The following TENM4 variants were observed in gnomAD, a reference collection of about 807,000 sequenced individuals.
TENM4 encodes teneurin transmembrane protein 4.
TENM4 carries 82 observed loss-of-function variants against 243.3 expected under a neutral mutation model. The observed-to-expected ratio is 0.34, with a 90% CI of 0.28 to 0.40. The LOEUF (loss-of-function observed/expected upper bound fraction) is 0.40. TENM4 is among the 10% of genes least tolerant of loss of function. The pLI is 1.00. For synonymous variants in TENM4, 1,412 were observed against 1,456.3 expected (o/e 0.97, Z 0.69); for missense variants, 3,138 against 3,673.3 (o/e 0.85, Z 3.77).
chr11:79,070,086 C>T, intron 4 of TENM4, 77 bp from the exon 5 acceptor site: 2 of 1,438,430 alleles, frequency 1.4e-6, no homozygotes, highest in Non-Finnish European at 1.8e-6. Context: ...TGGATTCACC[C>T]TTGCAGCCCT....
At chr11:79,107,080 C>T (rs1470090957) in intron 4 of TENM4, among the ~76,000 whole-genome samples, 1 of 152,054 alleles carries the variant, frequency 6.6e-6, no homozygotes, top group African/African-American at 2.4e-5. Context: ...TCTATCATCC[C>T]CATTTTATGG....
intron 17 of TENM4, among the ~76,000 whole-genome samples, chr11:78,772,491 T>C (rs1856663970): frequency 6.6e-6 from 1 of 152,202 alleles, no homozygotes; most frequent in African/African-American, 2.4e-5. Flanking sequence ...ATTTGTTTTA[T>C]TATTATGAGC....
chr11:79,250,351 C>T (rs1158355487), intron 2 of TENM4, among the ~76,000 whole-genome samples: 1 of 152,214 alleles, frequency 6.6e-6, no homozygotes, highest in Non-Finnish European at 1.5e-5. Context: ...AGATAATCCA[C>T]ATATAAGGCA....
At chr11:78,807,458 C>T (rs560651964) in intron 14 of TENM4, among the ~76,000 whole-genome samples, 1 of 152,284 alleles carries the variant, frequency 6.6e-6, no homozygotes, top group East Asian at 1.9e-4. Context: ...ACAGAGACCT[C>T]TAATCTTCTG....
chr11:78,888,754 G>T (rs879549429), intron 9 of TENM4, among the ~76,000 whole-genome samples: 1 of 152,144 alleles, frequency 6.6e-6, no homozygotes, highest in Non-Finnish European at 1.5e-5. Context: ...TTCTATTTCT[G>T]TTTACTGGGC....
At chr11:79,153,457 G>T (rs1167870995) in intron 3 of TENM4, among the ~76,000 whole-genome samples, 1 of 152,018 alleles carries the variant, frequency 6.6e-6, no homozygotes, top group African/African-American at 2.4e-5. Flanking sequence ...CTGGGCAGAG[G>T]CAAGTCACCC....
intron 7 of TENM4, among the ~76,000 whole-genome samples, chr11:78,894,967 G>A (rs554125835): frequency 1.4e-4 from 17 of 118,342 alleles, no homozygotes; most frequent in South Asian, 9.3e-4. Context: ...CCGGTCCAAC[G>A]AGACTCGGCC....
intron 1 of TENM4, among the ~76,000 whole-genome samples, chr11:79,386,035 A>C (rs549592590): frequency 6.6e-6 from 1 of 152,374 alleles, no homozygotes; most frequent in Admixed American, 6.5e-5. Flanking sequence ...ATTATAGAAT[A>C]ATGAAAAGAA....
chr11:78,665,079 C>A (rs1166583259), intron 32 of TENM4, among the ~76,000 whole-genome samples: 1 of 152,128 alleles, frequency 6.6e-6, no homozygotes, highest in Non-Finnish European at 1.5e-5. Flanking sequence ...TCATCCATCC[C>A]AGAGTTTGGT....
intron 32 of TENM4, among the ~76,000 whole-genome samples, chr11:78,664,469 C>T (rs1304104234): frequency 1.3e-5 from 2 of 152,138 alleles, no homozygotes; most frequent in Non-Finnish European, 2.9e-5. Context: ...AAGCAATCTG[C>T]CTGTCTTGGC....
chr11:78,663,255 C>A (rs963912190), intron 32 of TENM4, among the ~76,000 whole-genome samples: 2 of 152,178 alleles, frequency 1.3e-5, no homozygotes, highest in Non-Finnish European at 2.9e-5. Context: ...TTGATTTGAG[C>A]CTTAGAGCCA....
intron 4 of TENM4, among the ~76,000 whole-genome samples, chr11:79,131,160 C>G (rs1435143615): frequency 2.0e-5 from 3 of 152,038 alleles, no homozygotes; most frequent in Non-Finnish European, 4.4e-5. Flanking sequence ...CTGAGCCATC[C>G]AAATACAAGA....
intron 4 of TENM4, among the ~76,000 whole-genome samples, chr11:79,088,008 A>G (rs1156434022): frequency 1.3e-5 from 2 of 152,222 alleles, no homozygotes; most frequent in African/African-American, 4.8e-5. Context: ...CAGCTGGCTA[A>G]TGTTACACCT....
chr11:78,778,795 G>C (rs1856788037), intron 16 of TENM4, among the ~76,000 whole-genome samples, 167 bp from the exon 17 acceptor site: 1 of 152,202 alleles, frequency 6.6e-6, no homozygotes, highest in Non-Finnish European at 1.5e-5. Flanking sequence ...TGACATGAGA[G>C]AGGAGAAGGG....
At chr11:79,391,861 T>C (rs1858240657) in intron 1 of TENM4, among the ~76,000 whole-genome samples, 1 of 152,230 alleles carries the variant, frequency 6.6e-6, no homozygotes, top group Admixed American at 6.5e-5. Flanking sequence ...CATGCATTTA[T>C]TATTTCTATG....
Position 78,657,435 on chromosome 11 carries a change from G to C in TENM4, c.*623C>G. The C allele has an allele frequency of 2.7e-6, 1 of 371,386 alleles. No homozygotes were observed. The allele number at this position is 371,386 out of a possible 1,614,324, so 23.0% of individuals were successfully genotyped here. A position where few individuals can be genotyped will look rare whatever the true frequency, so the allele number is the denominator to read the frequency against. On this transcript the variant is annotated 3_prime_UTR_variant, in exon 34 of 34. Transcript: ENST00000278550. The stretch of plus-strand genomic sequence containing the variant: ...CAGGAGTTTGGGGCAGCTTAAAAAA[G>C]GTGCTGAACAACACCATGAAATTCC...
chr11:79,043,007 A>G (rs1047227575), intron 6 of TENM4, among the ~76,000 whole-genome samples: 2 of 152,220 alleles, frequency 1.3e-5, no homozygotes, highest in African/African-American at 4.8e-5. Flanking sequence ...GAGCTCCCTC[A>G]GTCATACAGT....
At chr11:78,761,779 C>G (rs1856436434) in intron 18 of TENM4, among the ~76,000 whole-genome samples, 1 of 152,078 alleles carries the variant, frequency 6.6e-6, no homozygotes. Flanking sequence ...TTTTTTTAGT[C>G]CTTTTCTCAC....
At chr11:79,396,139 T>G (rs1858339275) in intron 1 of TENM4, among the ~76,000 whole-genome samples, 1 of 152,196 alleles carries the variant, frequency 6.6e-6, no homozygotes, top group South Asian at 2.1e-4. Flanking sequence ...TTTTTAAGAC[T>G]CAGATGAAAG....
Sources: allele counts gnomAD v4.1 joint callset (sites outside exome capture counted in the v4.1 genomes callset), GRCh38; gene constraint gnomAD v4.1.1; transcripts MANE v1.5; gene names NCBI Gene and HGNC (gene_info 2026-07-23, HGNC 2026-07-21).